The following FMN1 variants were observed in gnomAD, a reference collection of about 807,000 sequenced individuals.
The protein encoded by FMN1 is formin-1.
In FMN1, 110 loss-of-function variants were observed where a neutral mutation model predicts 132.4. The ratio of observed to expected loss-of-function variants is 0.83; its 90% CI spans 0.71 to 0.97. FMN1 has a LOEUF of 0.97. Ranked by LOEUF, FMN1 falls within the 50% of genes least tolerant of loss-of-function variation. The pLI is 0.00. For synonymous variants in FMN1, 722 were observed against 651.7 expected, an observed-to-expected ratio of 1.11 and a Z score of -1.64; for missense variants, 1,792 against 1,705.3, an observed-to-expected ratio of 1.05 and a Z score of -0.90.
chr15:33,012,678 T>C (rs759082990), intron 6 of FMN1: 16 of 827,986 alleles, frequency 1.9e-5, no homozygotes, highest in Admixed American at 5.1e-5. Flanking sequence ...AGATGGCTAG[T>C]GCTTCATCCA....
chr15:32,785,221 T>TCA (rs1567163247), intron 19 of FMN1, among the ~76,000 whole-genome samples: 1 of 59,966 alleles, frequency 1.7e-5, no homozygotes, highest in Non-Finnish European at 3.3e-5. Flanking sequence ...TATATATATT[T>TCA]TTTTTTTTTT....
At chr15:32,855,496 G>A (rs1306533551) in intron 17 of FMN1, among the ~76,000 whole-genome samples, 1 of 152,120 alleles carries the variant, frequency 6.6e-6, no homozygotes, top group African/African-American at 2.4e-5. Context: ...CTTTTCCAAG[G>A]TACCAAAGAA....
At position 33,007,012 on chromosome 15, in the gene FMN1, T is replaced by C. The variant is rs941540838; in HGVS notation, c.2223+1002A>G. On this transcript the variant is annotated intron_variant, in intron 7 of 20. Transcript: ENST00000616417. ...ACATGGTGACTATAGTTCATAACCA[T>C]GTTATTGTATACTTTAAAATTTCTA... is the stretch of plus-strand genomic sequence containing the variant. Among the ~76,000 whole-genome samples, 11 of 152,168 alleles carry C rather than the reference T, an allele frequency of 7.2e-5. 1 individual carries two copies.
At chr15:33,140,193 AACAC>A (rs61485667) in intron 4 of FMN1, among the ~76,000 whole-genome samples, 13,537 of 142,820 alleles carry the variant, frequency 0.095, 894 homozygotes, top group East Asian at 0.4. Flanking sequence ...CCTATGGTTA[AACAC>A]ACACACACAC....
chr15:32,995,019 G>A (rs565835692), intron 7 of FMN1, among the ~76,000 whole-genome samples: 3 of 152,160 alleles, frequency 2.0e-5, no homozygotes, highest in South Asian at 4.2e-4. Context: ...AAGAGAAAAA[G>A]GGTCAAACTG....
intron 11 of FMN1, among the ~76,000 whole-genome samples, chr15:32,909,120 C>T (rs1005810704): frequency 4.6e-5 from 7 of 152,198 alleles, no homozygotes; most frequent in Admixed American, 4.6e-4. Context: ...TTGAATGAAG[C>T]TTATCTCTAC....
intron 9 of FMN1, among the ~76,000 whole-genome samples, chr15:32,959,787 C>T (rs2030293699): frequency 6.6e-6 from 1 of 152,204 alleles, no homozygotes. Context: ...AACAAATATT[C>T]ATTCACCAAA....
At chr15:32,868,009 G>T (rs1175850555) in intron 16 of FMN1, among the ~76,000 whole-genome samples, 1 of 152,182 alleles carries the variant, frequency 6.6e-6, no homozygotes, top group African/African-American at 2.4e-5. Flanking sequence ...TAAACTACCA[G>T]TTAAAGGGGA....
At position 32,798,883 on chromosome 15, in the gene FMN1, C is replaced by G; in HGVS notation, c.4051G>C (p.Val1351Leu). 1 of 1,613,314 alleles carries G rather than the reference C, an allele frequency of 6.2e-7. No homozygotes were observed. Residue 1351 changes from valine to leucine, a missense_variant, in exon 19 of 21, where the codon GTG becomes CTG. Physicochemically the swap from Val to Leu is conservative, Grantham distance 32. Coordinates refer to ENST00000616417, the MANE Select transcript of FMN1 (RefSeq NM_001277313.2). ...CAGAACTCATACCACACCATAAACA[C>G]GTAGCTGGGTGTGATCTCCTTCTCA... ...SGEKEITPSYVFMVWYEFCSD... is the reference protein window; with the variant it reads ...SGEKEITPSYLFMVWYEFCSD...
chr15:32,820,144 C>T (rs1167329533), intron 17 of FMN1, among the ~76,000 whole-genome samples: 1 of 152,154 alleles, frequency 6.6e-6, no homozygotes, highest in Non-Finnish European at 1.5e-5. Flanking sequence ...CATCTAAAAA[C>T]TCCCTGTATT....
chr15:32,814,311 T>G (rs1236139561), intron 17 of FMN1, among the ~76,000 whole-genome samples: 5 of 152,236 alleles, frequency 3.3e-5, no homozygotes, highest in African/African-American at 1.2e-4. Flanking sequence ...AATTTTCACT[T>G]AAGGGATAAT....
intron 19 of FMN1, among the ~76,000 whole-genome samples, chr15:32,777,711 T>C (rs2056493209): frequency 7.0e-6 from 1 of 141,848 alleles, no homozygotes; most frequent in Admixed American, 7.3e-5. Context: ...CACATTTACT[T>C]ATATATTACG....
In FMN1 at chr15:32,899,342, C is replaced by T. The variant is rs11854098; in HGVS notation, c.3655-449G>A. 1.6e-4 allele frequency among the ~76,000 whole-genome samples: 24 copies of T among 152,248 alleles called. No individual in the cohort carries two copies. In the East Asian group the frequency reaches 3.3e-3, roughly 21 times the overall value. On this transcript the variant is annotated intron_variant, in intron 14 of 20. Coordinates refer to ENST00000616417, the MANE Select transcript of FMN1 (RefSeq NM_001277313.2). The stretch of plus-strand genomic sequence containing the variant: ...GGAGCACCACACCACTTTATGACCC[C>T]GGGAGGCCAGTGGGGAGCAGGCCCT...
intron 6 of FMN1, among the ~76,000 whole-genome samples, chr15:33,043,286 A>AT (rs2141130610): frequency 1.3e-5 from 2 of 152,368 alleles, no homozygotes; most frequent in East Asian, 3.9e-4. Context: ...ATCATGAACT[A>AT]TAACAAATGG....
At chr15:32,980,062 A>G (rs568613164) in intron 7 of FMN1, among the ~76,000 whole-genome samples, 2 of 139,020 alleles carry the variant, frequency 1.4e-5, no homozygotes, top group East Asian at 2.0e-4. Flanking sequence ...GCAAACAAAC[A>G]AAGAGGGTTT....
intron 7 of FMN1, among the ~76,000 whole-genome samples, chr15:32,974,822 A>T (rs2032073619): frequency 6.6e-6 from 1 of 152,224 alleles, no homozygotes; most frequent in African/African-American, 2.4e-5. Flanking sequence ...GAATCTCCAA[A>T]GTAATGTGTT....
intron 19 of FMN1, among the ~76,000 whole-genome samples, chr15:32,798,152 G>A (rs1260502127): frequency 6.7e-6 from 1 of 149,286 alleles, no homozygotes; most frequent in African/African-American, 2.5e-5. Context: ...ATAAATAGGG[G>A]CAAATTCAAT....
chr15:32,986,827 AT>A (rs1566794118), intron 7 of FMN1, among the ~76,000 whole-genome samples: 1 of 152,146 alleles, frequency 6.6e-6, no homozygotes, highest in East Asian at 1.9e-4. Flanking sequence ...CTTTTGATTG[AT>A]ATTCATCTCC....
At chr15:32,926,026 CAA>C (rs1298938471) in intron 10 of FMN1, 146 bp downstream of exon 10, 4 of 531,816 alleles carry the variant, frequency 7.5e-6, no homozygotes, top group Admixed American at 3.9e-5. Context: ...TCAGATAAAA[CAA>C]GAGTGAGTTG....
Sources: allele counts gnomAD v4.1 joint callset (sites outside exome capture counted in the v4.1 genomes callset), GRCh38; gene constraint gnomAD v4.1.1; transcripts MANE v1.5; gene names NCBI Gene and HGNC (gene_info 2026-07-23, HGNC 2026-07-21).